Variants in HCN1 observed in about 807,000 individuals in gnomAD.
The protein encoded by HCN1 is hyperpolarization activated cyclic nucleotide gated potassium channel 1, also known as potassium/sodium hyperpolarization-activated cyclic nucleotide-gated channel 1.
In HCN1, 13 loss-of-function variants were observed where a neutral mutation model predicts 78.9. That is an observed-to-expected ratio of 0.16 (90% CI 0.11 to 0.26). The LOEUF is 0.26. Among genes scored for constraint, HCN1 ranks in the 10% least tolerant of loss-of-function variants. The pLI is 1.00. For missense variants in HCN1, 810 were observed against 1,154.3 expected (o/e 0.70, Z 4.32); for synonymous variants, 552 against 455.5 (o/e 1.21, Z -2.70).
chr5:45,593,538 C>G (rs1383002470), intron 2 of HCN1, among the ~76,000 whole-genome samples: 1 of 152,010 alleles, frequency 6.6e-6, no homozygotes, highest in African/African-American at 2.4e-5. Flanking sequence ...GTTTAAGAGA[C>G]AGACAAGGAA....
rs373315853 is a variant in HCN1, at chr5:45,570,717, G to A, written c.849+74468C>T. On this transcript the variant is annotated intron_variant, in intron 2 of 7. Transcript: ENST00000303230. ...ACAAAACACACCTAACATTGTTAGT[G>A]CCTTACTTTTAAAAAGATTAAAACT... Among the ~76,000 whole-genome samples the A allele has an allele frequency of 1.7e-4, 26 of 152,126 alleles. 2 individuals are homozygous for A. Among genetic ancestry groups the A allele is most frequent in the African/African-American group, 6.0e-4 (25 of 41,506 alleles).
In HCN1 at chr5:45,343,862, T is replaced by TA. The variant is rs556971160; in HGVS notation, c.1377+9237dup. Reference sequence around the variant, plus strand: ...AAAGAAGCCAAAAAAAAATTAAAAATAAAAAAAATATATATATTGGGAGAG... The same window carrying TA: ...AAAGAAGCCAAAAAAAAATTAAAAATAAAAAAAAATATATATATTGGGAGAG... On this transcript the variant is annotated intron_variant, in intron 5 of 7. Transcript: ENST00000303230. Among the ~76,000 whole-genome samples, 82 of 151,352 alleles carry TA rather than the reference T, an allele frequency of 5.4e-4. No individual in the cohort carries two copies. The East Asian group carries it at 6.2e-3, about 12-fold the overall frequency.
At chr5:45,640,527 TAG>T (rs1280100417) in intron 2 of HCN1, among the ~76,000 whole-genome samples, 1 of 151,956 alleles carries the variant, frequency 6.6e-6, no homozygotes, top group East Asian at 1.9e-4. Flanking sequence ...ACTGTCACGA[TAG>T]AGTGTGTCAA....
intron 1 of HCN1, among the ~76,000 whole-genome samples, chr5:45,660,583 G>A (rs979374008): frequency 2.0e-5 from 3 of 152,204 alleles, no homozygotes; most frequent in African/African-American, 7.2e-5. Context: ...GACACACATA[G>A]GCTCAAAATA....
chr5:45,369,206 A>G (rs1028637202), intron 4 of HCN1, among the ~76,000 whole-genome samples: 1 of 151,178 alleles, frequency 6.6e-6, no homozygotes, highest in Non-Finnish European at 1.5e-5. Context: ...ATCTACTTTT[A>G]TAATGTATTT....
At chr5:45,283,713 C>A (rs906741604) in intron 6 of HCN1, among the ~76,000 whole-genome samples, 1 of 152,060 alleles carries the variant, frequency 6.6e-6, no homozygotes, top group African/African-American at 2.4e-5. Flanking sequence ...TTAGTTCAAC[C>A]ATTGTGGAAA....
chr5:45,392,258 TA>T (rs1174503550), intron 4 of HCN1, among the ~76,000 whole-genome samples: 20 of 152,128 alleles, frequency 1.3e-4, no homozygotes, highest in Admixed American at 9.2e-4. Context: ...TAGGTTGATT[TA>T]AAAAAATTAA....
chr5:45,396,151 C>A (rs939000200), intron 4 of HCN1, among the ~76,000 whole-genome samples: 28 of 152,114 alleles, frequency 1.8e-4, no homozygotes, highest in African/African-American at 6.5e-4. Flanking sequence ...CTAACACATA[C>A]GAGAGAAGGG....
intron 3 of HCN1, among the ~76,000 whole-genome samples, chr5:45,422,020 A>G (rs970433121): frequency 1.1e-4 from 17 of 152,336 alleles, no homozygotes; most frequent in African/African-American, 3.8e-4. Flanking sequence ...TCTGTGTGAG[A>G]GCTAGACATA....
intron 5 of HCN1, among the ~76,000 whole-genome samples, chr5:45,341,061 C>A (rs1746569622): frequency 6.6e-6 from 1 of 152,106 alleles, no homozygotes; most frequent in Non-Finnish European, 1.5e-5. Context: ...TCTATCTTAT[C>A]TTTCTGTCTT....
intron 3 of HCN1, among the ~76,000 whole-genome samples, chr5:45,411,312 T>C (rs757352874): frequency 4.6e-5 from 7 of 151,840 alleles, no homozygotes; most frequent in Non-Finnish European, 1.0e-4. Flanking sequence ...GAGAAAAGAG[T>C]ATTTGCAACA....
intron 4 of HCN1, among the ~76,000 whole-genome samples, chr5:45,355,402 CT>C (rs1216182129): frequency 6.6e-6 from 1 of 151,920 alleles, no homozygotes; most frequent in Non-Finnish European, 1.5e-5. Context: ...CACTCCAGAC[CT>C]ACTGAATCAG....
intron 5 of HCN1, among the ~76,000 whole-genome samples, chr5:45,316,637 GA>G (rs1288693653): frequency 6.6e-6 from 1 of 152,194 alleles, no homozygotes; most frequent in Non-Finnish European, 1.5e-5. Context: ...CCTGTTGGTA[GA>G]TGACATGACT....
At chr5:45,327,338 T>A (rs1479695587) in intron 5 of HCN1, among the ~76,000 whole-genome samples, 2 of 151,868 alleles carry the variant, frequency 1.3e-5, no homozygotes, top group East Asian at 3.9e-4. Context: ...TCTGAAGACT[T>A]AATTCTGTGA....
chr5:45,448,362 C>T (rs900960440), intron 3 of HCN1, among the ~76,000 whole-genome samples: 7 of 152,138 alleles, frequency 4.6e-5, no homozygotes, highest in African/African-American at 1.7e-4. Flanking sequence ...TAAAATATTT[C>T]ACCTTGACAG....
At chr5:45,516,046 C>T (rs1742511491) in intron 2 of HCN1, among the ~76,000 whole-genome samples, 1 of 151,910 alleles carries the variant, frequency 6.6e-6, no homozygotes, top group South Asian at 2.1e-4. Context: ...TTTTTAATAT[C>T]CCAGCCCTAT....
intron 2 of HCN1, among the ~76,000 whole-genome samples, chr5:45,602,766 T>C (rs1744649794): frequency 6.6e-6 from 1 of 152,134 alleles, no homozygotes; most frequent in Admixed American, 6.6e-5. Flanking sequence ...CTCCAAGTGT[T>C]TGTTAAAACT....
chr5:45,450,738 G>T (rs1253244542), intron 3 of HCN1, among the ~76,000 whole-genome samples: 1 of 152,032 alleles, frequency 6.6e-6, no homozygotes, highest in Non-Finnish European at 1.5e-5. Context: ...TTACTTCCTG[G>T]ACAAGAAATA....
chr5:45,475,444 A>G (rs1446562581), intron 2 of HCN1, among the ~76,000 whole-genome samples: 1 of 152,116 alleles, frequency 6.6e-6, no homozygotes, highest in Non-Finnish European at 1.5e-5. Flanking sequence ...AAGGAGTTCC[A>G]GATCCATTAT....
Sources: allele counts gnomAD v4.1 joint callset (sites outside exome capture counted in the v4.1 genomes callset), GRCh38; gene constraint gnomAD v4.1.1; transcripts MANE v1.5; gene names NCBI Gene and HGNC (gene_info 2026-07-23, HGNC 2026-07-21).